Variants in CA10 observed in about 807,000 individuals in gnomAD.
CA10 encodes carbonic anhydrase-related protein 10.
Under a neutral mutation model 44.2 loss-of-function variants are expected in CA10, and 14 were observed. The ratio of observed to expected loss-of-function variants is 0.32; its 90% confidence interval spans 0.21 to 0.50. The LOEUF (loss-of-function observed/expected upper bound fraction) is 0.50, where lower values mean the gene tolerates loss of function less well. CA10 is among the 20% of genes least tolerant of loss of function. The probability of loss-of-function intolerance (pLI) is 0.99; values close to 1 mark genes in which losing one functional copy is unlikely to be tolerated. For synonymous variants in CA10, 159 were observed against 141.6 expected (o/e 1.12, Z -0.87); for missense variants, 350 against 409.7 (o/e 0.85, Z 1.26).
intron 4 of CA10, among the ~76,000 whole-genome samples, chr17:51,663,216 C>CA (rs556662788): frequency 0.83 from 121,483 of 147,250 alleles, 50,366 homozygotes; most frequent in East Asian, 0.93. Context: ...TTTCCCGGAA[C>CA]TTGGAATGCG....
chr17:51,911,455 A>G (rs978941018), intron 3 of CA10, among the ~76,000 whole-genome samples: 1 of 152,192 alleles, frequency 6.6e-6, no homozygotes, highest in Non-Finnish European at 1.5e-5. Flanking sequence ...CATTCTGCAT[A>G]GCATTACCAG....
At chr17:52,113,910 T>G (rs1048935597) in intron 1 of CA10, among the ~76,000 whole-genome samples, 1 of 152,122 alleles carries the variant, frequency 6.6e-6, no homozygotes, top group Non-Finnish European at 1.5e-5. Context: ...AAGATTCAGA[T>G]GGAAATCAGA....
intron 2 of CA10, among the ~76,000 whole-genome samples, chr17:51,935,410 C>T (rs2144004493): frequency 6.6e-6 from 1 of 152,266 alleles, no homozygotes; most frequent in Middle Eastern, 3.4e-3. Flanking sequence ...GAGTAAGAAT[C>T]ACTCTAATTA....
chr17:51,688,914 G>A (rs1915096342), intron 4 of CA10, among the ~76,000 whole-genome samples: 1 of 152,194 alleles, frequency 6.6e-6, no homozygotes, highest in South Asian at 2.1e-4. Flanking sequence ...CAGGCCAGGT[G>A]TTGTCCTAAC....
chr17:51,718,211 T>TATGAAAAAAAGATTTAAA (rs138044166), intron 4 of CA10, among the ~76,000 whole-genome samples: 1 of 149,718 alleles, frequency 6.7e-6, no homozygotes, highest in Non-Finnish European at 1.5e-5. Flanking sequence ...CCCAATAATT[T>TATGAAAAAAAGATTTAAA]ATGAAAAAAA....
At chr17:51,711,744 T>A (rs8066610) in intron 4 of CA10, among the ~76,000 whole-genome samples, 1 of 152,180 alleles carries the variant, frequency 6.6e-6, no homozygotes, top group South Asian at 2.1e-4. Flanking sequence ...AGTATGAATC[T>A]CACAACAAAA....
chr17:52,123,145 C>A (rs965066969), intron 1 of CA10, among the ~76,000 whole-genome samples: 1 of 152,124 alleles, frequency 6.6e-6, no homozygotes, highest in South Asian at 2.1e-4. Context: ...TGCCAAGCTT[C>A]ATCAAGGATG....
At chr17:52,012,816 G>A (rs1179640292) in intron 2 of CA10, among the ~76,000 whole-genome samples, 1 of 127,770 alleles carries the variant, frequency 7.8e-6, no homozygotes, top group Non-Finnish European at 1.7e-5. Context: ...AAATGGAAAT[G>A]TGTTAATTAT....
At chr17:51,673,502 CT>C (rs1222010356) in intron 4 of CA10, among the ~76,000 whole-genome samples, 2 of 152,178 alleles carry the variant, frequency 1.3e-5, no homozygotes, top group Non-Finnish European at 2.9e-5. Context: ...CCTACTGAGA[CT>C]CTTTTGTCTT....
intron 3 of CA10, among the ~76,000 whole-genome samples, chr17:51,797,850 C>CAAAAAAAAAAAAAAAAAAAAAAAAAAAAA: frequency 1.4e-5 from 1 of 73,778 alleles, no homozygotes; most frequent in Non-Finnish European, 2.5e-5. Context: ...GGCTCCATCT[C>CAAAAAAAAAAAAAAAAAAAAAAAAAAAAA]AAAAAAAAAA....
At chr17:51,786,004 T>C (rs995967981) in intron 3 of CA10, among the ~76,000 whole-genome samples, 1 of 152,182 alleles carries the variant, frequency 6.6e-6, no homozygotes, top group African/African-American at 2.4e-5. Context: ...AGTGTTTTAT[T>C]GTTTTCGTTA....
intron 1 of CA10, among the ~76,000 whole-genome samples, chr17:52,091,656 A>G (rs540565333): frequency 1.3e-5 from 2 of 152,198 alleles, no homozygotes; most frequent in Non-Finnish European, 2.9e-5. Flanking sequence ...TTCAAGCTCT[A>G]AGCTCAGGGA....
chr17:51,729,685 A>G (rs1056612090), intron 4 of CA10, among the ~76,000 whole-genome samples: 1 of 152,214 alleles, frequency 6.6e-6, no homozygotes, highest in Non-Finnish European at 1.5e-5. Flanking sequence ...TTTGCTGGTG[A>G]CTAAAGAGGC....
chr17:51,816,612 T>C (rs1260565684), intron 3 of CA10, among the ~76,000 whole-genome samples: 1 of 152,232 alleles, frequency 6.6e-6, no homozygotes. Flanking sequence ...ACTAATTTTC[T>C]AATACAAATC....
intron 3 of CA10, among the ~76,000 whole-genome samples, chr17:51,863,907 T>C (rs964540011): frequency 2.0e-5 from 3 of 151,872 alleles, no homozygotes; most frequent in African/African-American, 7.3e-5. Flanking sequence ...GTGTCCAGAG[T>C]TTTTATTGAG....
intron 3 of CA10, among the ~76,000 whole-genome samples, chr17:51,797,127 C>A (rs1906741130): frequency 6.6e-6 from 1 of 152,180 alleles, no homozygotes; most frequent in African/African-American, 2.4e-5. Flanking sequence ...GAGTGCATCT[C>A]CAGCATCAGA....
At chr17:51,754,953 T>C (rs138284062) in intron 3 of CA10, among the ~76,000 whole-genome samples, 1 of 152,002 alleles carries the variant, frequency 6.6e-6, no homozygotes, top group Non-Finnish European at 1.5e-5. Flanking sequence ...ACATTATCTA[T>C]ATCTGTATAT....
At chr17:51,829,258 T>A (rs978179824) in intron 3 of CA10, among the ~76,000 whole-genome samples, 1 of 152,236 alleles carries the variant, frequency 6.6e-6, no homozygotes, top group Non-Finnish European at 1.5e-5. Context: ...AAGCAGCCCA[T>A]TGCAGCTTCC....
intron 3 of CA10, among the ~76,000 whole-genome samples, chr17:51,810,178 T>C (rs1222830647): frequency 1.3e-5 from 2 of 152,184 alleles, no homozygotes; most frequent in Non-Finnish European, 2.9e-5. Context: ...TGTTTCTCAG[T>C]TTGTCACTTT....
Sources: gnomAD v4.1 joint callset for allele counts (sites outside exome capture counted in the v4.1 genomes callset) on GRCh38, gnomAD v4.1.1 for gene constraint, MANE v1.5 for transcripts, NCBI Gene and HGNC (gene_info 2026-07-23, HGNC 2026-07-21) for gene names.